Variants in LETM1 observed in about 807,000 individuals in gnomAD.
LETM1 encodes the protein leucine zipper and EF-hand containing transmembrane protein 1, also known as mitochondrial proton/calcium exchanger protein.
Under a neutral mutation model 74.5 loss-of-function variants are expected in LETM1, and 50 were observed. The ratio of observed to expected loss-of-function variants is 0.67; its 90% confidence interval spans 0.53 to 0.85. The LOEUF (loss-of-function observed/expected upper bound fraction) is 0.85, where lower values mean the gene tolerates loss of function less well. Among genes scored for constraint, LETM1 ranks in the 40% least tolerant of loss-of-function variants. The pLI, the probability that LETM1 is intolerant of heterozygous loss-of-function variation, is 0.00. For missense variants in LETM1, 824 were observed against 967.8 expected (o/e 0.85, Z 1.97); for synonymous variants, 446 against 407.1 (o/e 1.10, Z -1.15).
chr4:1,844,447 T>G (rs577026395), intron 2 of LETM1, among the ~76,000 whole-genome samples: 2 of 152,288 alleles, frequency 1.3e-5, no homozygotes, highest in South Asian at 2.1e-4. Context: ...TCGAAAATAC[T>G]CCAGCAGGGC....
At chr4:1,840,821 C>T (rs1476429828) in intron 3 of LETM1, among the ~76,000 whole-genome samples, 2 of 152,094 alleles carry the variant, frequency 1.3e-5, no homozygotes, top group Non-Finnish European at 2.9e-5. Flanking sequence ...ACAGAGCCCT[C>T]ACCCTGTGGG....
Position 1,834,668 on chromosome 4 carries a change from GCTCGTGGGGGCAGA to G in LETM1, c.876+163_876+176del. On this transcript the variant is annotated intron_variant, in intron 5 of 13. Coordinates refer to ENST00000302787, the MANE Select transcript of LETM1 (RefSeq NM_012318.3). This position sits in a 1 kb window ranked among gnomAD's most constrained non-coding sequence, Gnocchi z 5.0. ...GCCACCACAGCTTAACTCACTGGGA[GCTCGTGGGGGCAGA>G]CTCCTGACACTCCACTGGCCCCCGA... is the stretch of plus-strand genomic sequence containing the variant. 1 of 1,435,928 alleles carries G rather than the reference GCTCGTGGGGGCAGA, an allele frequency of 7.0e-7. No individual in the cohort carries two copies. The highest frequency in any genetic ancestry group is 1.4e-5 in the African/African-American group (1 of 69,732). The allele number at this position is 1,435,928 out of a possible 1,614,324, so 88.9% of individuals were successfully genotyped here. A position where few individuals can be genotyped will look rare whatever the true frequency, so the allele number is the denominator to read the frequency against.
At chr4:1,828,197 G>A (rs867935558) in intron 6 of LETM1, among the ~76,000 whole-genome samples, 4 of 128,378 alleles carry the variant, frequency 3.1e-5, no homozygotes, top group Non-Finnish European at 6.8e-5. Flanking sequence ...CTCACCTCCC[G>A]GACGGGGCGG....
chr4:1,851,213 G>A (rs1713060281), intron 1 of LETM1, among the ~76,000 whole-genome samples: 1 of 152,216 alleles, frequency 6.6e-6, no homozygotes, highest in Non-Finnish European at 1.5e-5. Flanking sequence ...AGGCCAGGCT[G>A]TGCAGAGGCT....
intron 6 of LETM1, among the ~76,000 whole-genome samples, chr4:1,828,107 C>A (rs1712074717): frequency 7.7e-6 from 1 of 129,172 alleles, no homozygotes; most frequent in African/African-American, 3.0e-5. Flanking sequence ...CTGACACCCC[C>A]ACCTCCCTCC....
At position 1,834,859 on chromosome 4, in the gene LETM1, CAG is replaced by C. The variant is rs1712406861; in HGVS notation, c.860_861del (p.Ser287CysfsTer16). On this transcript the variant is annotated frameshift_variant, in exon 5 of 14. Transcript: ENST00000302787. LOFTEE classifies it high-confidence loss of function. This position sits in a 1 kb window ranked among gnomAD's most constrained non-coding sequence, Gnocchi z 5.0. Reference protein sequence around the residue: ...AAKGSATKDFSVFFQKIRETG... With the variant: ...AAKGSATKDFXVFFQKIRETG... ...TATCACAGCACCTTCTGGAAAAACA[CAG>C]AGAAGTCTTTGGTGGCGCTGCCCTT... The C allele has an allele frequency of 6.2e-7, 1 of 1,614,068 alleles. No homozygotes were observed. The highest frequency in any genetic ancestry group is 8.5e-7 in the Non-Finnish European group (1 of 1,180,028).
chr4:1,835,764 C>A (rs1712445201), intron 4 of LETM1, among the ~76,000 whole-genome samples: 1 of 152,096 alleles, frequency 6.6e-6, no homozygotes. Context: ...GGGGAGTGTT[C>A]CTGGTCTAGA....
intron 1 of LETM1, among the ~76,000 whole-genome samples, 176 bp from the exon 2 acceptor site, chr4:1,849,385 C>T (rs1346146099): frequency 6.6e-6 from 1 of 152,178 alleles, no homozygotes; most frequent in Non-Finnish European, 1.5e-5. Flanking sequence ...CTGCCTCAGC[C>T]TCCTGAGTAG....
In LETM1 at chr4:1,825,587, G is replaced by C; in HGVS notation, c.1177C>G (p.Arg393Gly). 1 of 1,613,458 alleles carries C rather than the reference G, an allele frequency of 6.2e-7. No homozygotes were observed. Among genetic ancestry groups the C allele is most frequent in the South Asian group, 1.1e-5 (1 of 91,060 alleles). The change falls in exon 7 of 14, where the codon CGC becomes GGC. Residue 393 changes from arginine to glycine, a missense_variant. Arg to Gly is a moderately radical substitution (Grantham distance 125). Around this residue, in one of 4 missense-constraint regions of LETM1, gnomAD observed 269 missense variants for 348.8 expected, o/e 0.77. Coordinates refer to ENST00000302787, the MANE Select transcript of LETM1 (RefSeq NM_012318.3). ...GMRALGVTED[R>G]LRGQLKQWLD... ...ACCTGCTTCAGCTGACCCCTCAGGC[G>C]GTCTTCCGTGACGCCCAGGGCCCGC... is the stretch of plus-strand genomic sequence containing the variant.
In LETM1 at chr4:1,823,066, C is replaced by T; in HGVS notation, c.1398G>A (p.Leu466=). ...EGEQVDNKAK[L]EATLQEEAAI... is the part of the protein sequence containing the mutation. ...CCGCCTCCTCCTGCAGCGTGGCCTC[C>T]AGCTTGGCCTTGTTGTCCACCTGCT... Residue 466 remains leucine, a synonymous_variant, in exon 9 of 14, where the codon CTG becomes CTA. Coordinates refer to ENST00000302787, the MANE Select transcript of LETM1 (RefSeq NM_012318.3). 6.2e-7 allele frequency: 1 copy of T among 1,610,590 alleles called. No homozygotes were observed. Among genetic ancestry groups the T allele is most frequent in the Non-Finnish European group, 8.5e-7 (1 of 1,178,034 alleles).
At chr4:1,823,219 C>T (rs912276420) in intron 8 of LETM1, 88 bp from the exon 9 acceptor site, 4 of 1,454,108 alleles carry the variant, frequency 2.8e-6, no homozygotes, top group African/African-American at 2.9e-5. Context: ...CCTGTGTCCC[C>T]TGCCCCGTCA....
chr4:1,825,067 G>A (rs1200334574), intron 7 of LETM1, among the ~76,000 whole-genome samples: 1 of 152,210 alleles, frequency 6.6e-6, no homozygotes, highest in African/African-American at 2.4e-5. Context: ...AAGAGTGAGT[G>A]GCTGGGGCTG....
At chr4:1,852,653 G>T (rs966063732) in intron 1 of LETM1, among the ~76,000 whole-genome samples, 1 of 152,136 alleles carries the variant, frequency 6.6e-6, no homozygotes, top group Non-Finnish European at 1.5e-5. Context: ...CCAAACTCAC[G>T]CCTGTAATCC....
chr4:1,822,822 T>A, intron 9 of LETM1, 166 bp downstream of exon 9: 1 of 582,430 alleles, frequency 1.7e-6, no homozygotes, highest in Non-Finnish European at 2.5e-6. Context: ...GTTGCAGCCC[T>A]CACACCCGGG....
chr4:1,829,343 A>G (rs1326016060), intron 6 of LETM1, among the ~76,000 whole-genome samples: 85 of 116,652 alleles, frequency 7.3e-4, no homozygotes, highest in African/African-American at 2.3e-3. Context: ...GGCCAGGCGG[A>G]GGGCTGACCC....
Position 1,834,766 on chromosome 4 carries a change from C to A in LETM1, c.876+79G>T. On this transcript the variant is annotated intron_variant, in intron 5 of 13. Coordinates refer to ENST00000302787, the MANE Select transcript of LETM1 (RefSeq NM_012318.3). This position sits in a 1 kb window ranked among gnomAD's most constrained non-coding sequence, Gnocchi z 5.0. Reference sequence around the variant, plus strand: ...CAGCACCTGGGGGAGCTCCACTCTGCTGAGCACAGCGAAAGGGAAACAGAA... The same window carrying A: ...CAGCACCTGGGGGAGCTCCACTCTGATGAGCACAGCGAAAGGGAAACAGAA... 6.3e-7 allele frequency: 1 copy of A among 1,587,024 alleles called. No homozygotes were observed.
intron 2 of LETM1, among the ~76,000 whole-genome samples, chr4:1,847,872 C>T (rs1298957706): frequency 6.6e-6 from 1 of 150,702 alleles, no homozygotes; most frequent in East Asian, 1.9e-4. Flanking sequence ...GTGTGCGCGC[C>T]TGTAATCCCA....
In LETM1 at chr4:1,832,814, G is replaced by C. The variant is rs760911109; in HGVS notation, c.1010C>G (p.Ser337Cys). 1 of 1,614,210 alleles carries C rather than the reference G, an allele frequency of 6.2e-7. No individual in the cohort carries two copies. The change falls in exon 6 of 14, where the codon TCC becomes TGC. Residue 337 changes from serine (S) to cysteine (C), a missense_variant. By Grantham distance (112) the Ser-to-Cys change is moderately radical. Around this residue, in one of 4 missense-constraint regions of LETM1, gnomAD observed 269 missense variants for 348.8 expected, o/e 0.77. Transcript: ENST00000302787. The part of the protein sequence containing the change: ...VALCKLLELQ[S>C]IGTNNFLRFQ... ...GCGCAGGAAGTTGTTGGTGCCGATGGACTGTAGCTCCAGCAGCTTGCACAG... is the reference window on the plus strand; with the variant it reads ...GCGCAGGAAGTTGTTGGTGCCGATGCACTGTAGCTCCAGCAGCTTGCACAG...
In LETM1 at chr4:1,836,257, GAAAC is replaced by G. The variant is rs1712460122; in HGVS notation, c.738+168_738+171del. Among the ~76,000 whole-genome samples, 1 of 152,118 alleles carries G rather than the reference GAAAC, an allele frequency of 6.6e-6. No homozygotes were observed. The highest frequency in any genetic ancestry group is 2.4e-5 in the African/African-American group (1 of 41,418). ...AAATAAATAAATAACGAAATAAAGAGAAACAAATCCAAAACCCAGCATCCACTAA... is the reference window on the plus strand; with the variant it reads ...AAATAAATAAATAACGAAATAAAGAGAAATCCAAAACCCAGCATCCACTAA... On this transcript the variant is annotated intron_variant, in intron 4 of 13. Coordinates refer to ENST00000302787, the MANE Select transcript of LETM1 (RefSeq NM_012318.3). The surrounding 1 kb of genome is among the most constrained non-coding windows in gnomAD (Gnocchi z 5.8).
Sources: allele counts gnomAD v4.1 joint callset (sites outside exome capture counted in the v4.1 genomes callset), GRCh38; gene constraint gnomAD v4.1.1; regional missense constraint gnomAD v4.1.1; non-coding constraint Gnocchi (gnomAD v3.1); transcripts MANE v1.5; gene names NCBI Gene and HGNC (gene_info 2026-07-23, HGNC 2026-07-21).